The following HCRTR2 variants were observed in gnomAD, a reference collection of about 807,000 sequenced individuals.
HCRTR2 encodes the protein hypocretin receptor 2, also known as orexin receptor type 2.
HCRTR2 carries 22 observed loss-of-function variants against 49.0 expected under a neutral mutation model. The ratio of observed to expected loss-of-function variants is 0.45; its 90% CI spans 0.32 to 0.64. The LOEUF (loss-of-function observed/expected upper bound fraction) is 0.64, where lower values mean the gene tolerates loss of function less well. Ranked by LOEUF, HCRTR2 falls within the 30% of genes least tolerant of loss-of-function variation. HCRTR2 has a pLI of 0.04. For synonymous variants in HCRTR2, 236 were observed against 205.3 expected (o/e 1.15, Z -1.28); for missense variants, 491 against 559.4 (o/e 0.88, Z 1.23).
intron 1 of HCRTR2, among the ~76,000 whole-genome samples, chr6:55,227,530 A>G (rs1392160669): frequency 6.6e-6 from 1 of 152,212 alleles, no homozygotes; most frequent in African/African-American, 2.4e-5. Flanking sequence ...TGAACAGGGA[A>G]TTTTGTACTG....
chr6:55,136,704 T>C (rs1764439267), intron 1 of HCRTR2, among the ~76,000 whole-genome samples: 1 of 152,200 alleles, frequency 6.6e-6, no homozygotes, highest in Non-Finnish European at 1.5e-5. Flanking sequence ...ATCCAATTCC[T>C]GTGCACCTTT....
chr6:55,155,521 G>A (rs1764718932), intron 1 of HCRTR2, among the ~76,000 whole-genome samples: 1 of 151,924 alleles, frequency 6.6e-6, no homozygotes, highest in Non-Finnish European at 1.5e-5. Flanking sequence ...TAATTTTGCT[G>A]TTGTCTTTCA....
intron 4 of HCRTR2, among the ~76,000 whole-genome samples, chr6:55,268,505 G>A (rs373382236): frequency 1.3e-5 from 2 of 151,880 alleles, no homozygotes; most frequent in East Asian, 1.9e-4. Flanking sequence ...TATACAAATA[G>A]GTTAAATGTA....
chr6:55,113,034 C>T lies in HCRTR2; in HGVS notation c.-378+6489C>T, dbSNP rs140161955. Among the ~76,000 whole-genome samples, 398 of 151,934 alleles carry T rather than the reference C, an allele frequency of 2.6e-3. 2 individuals carry two copies. Among genetic ancestry groups the T allele is most frequent in the African/African-American group, 9.2e-3 (381 of 41,502 alleles). On this transcript the variant is annotated intron_variant, in intron 1 of 7. Transcript: ENST00000615358. ...ACAAAAACATAAAATGGGGAATGGT[C>T]ACCCTATTCAAGGAATGGTGCTAGG...
At chr6:55,173,210 G>A (rs1355365106), upstream of HCRTR2, among the ~76,000 whole-genome samples, 1 of 152,210 alleles carries the variant, frequency 6.6e-6, no homozygotes, top group Non-Finnish European at 1.5e-5. Context: ...AGAGGTAAAA[G>A]TCTCAAAAAG....
intron 1 of HCRTR2, among the ~76,000 whole-genome samples, chr6:55,129,223 A>C (rs1764321545): frequency 6.6e-6 from 1 of 152,074 alleles, no homozygotes; most frequent in African/African-American, 2.4e-5. Context: ...ACCTTGTTCT[A>C]AGTTTTCTCA....
intron 1 of HCRTR2, among the ~76,000 whole-genome samples, chr6:55,164,100 C>A (rs752906165): frequency 1.3e-5 from 2 of 152,102 alleles, no homozygotes; most frequent in East Asian, 3.9e-4. Context: ...GTTAGAATGG[C>A]GATCATTAAA....
Position 55,248,648 on chromosome 6 carries a change from C to T in HCRTR2, c.233C>T (p.Ala78Val), listed in dbSNP as rs776153489. 5 of 1,611,800 alleles carry T rather than the reference C, an allele frequency of 3.1e-6. No homozygotes were observed. In the East Asian group the frequency reaches 8.9e-5, roughly 29 times the overall value. The change falls in exon 2 of 7, where the codon GCA (alanine) becomes GTA (valine). Residue 78 changes from alanine to valine, a missense_variant. Transcript: ENST00000370862. ...TTTCTTTTCAAATTAGTTTGTGTGG[C>T]AGTGTGGAAGAACCACCACATGAGG... ...ALIGNVLVCVAVWKNHHMRTV... is the reference protein window; with the variant it reads ...ALIGNVLVCVVVWKNHHMRTV...
At chr6:55,187,627 C>G (rs962263879) in intron 1 of HCRTR2, among the ~76,000 whole-genome samples, 2 of 146,892 alleles carry the variant, frequency 1.4e-5, no homozygotes, top group Non-Finnish European at 3.0e-5. Flanking sequence ...AAGTGTTTGT[C>G]ATACCTATTT....
intron 1 of HCRTR2, among the ~76,000 whole-genome samples, chr6:55,135,853 C>T (rs4490666): frequency 0.62 from 94,425 of 151,946 alleles, 30,510 homozygotes; most frequent in African/African-American, 0.73. Context: ...CTCTAAGGAC[C>T]GCAGTAGCGT....
At chr6:55,130,804 T>C (rs746847725) in intron 1 of HCRTR2, among the ~76,000 whole-genome samples, 1 of 151,848 alleles carries the variant, frequency 6.6e-6, no homozygotes, top group Admixed American at 6.6e-5. Flanking sequence ...CCAACACACA[T>C]ATACACAGAA....
intron 1 of HCRTR2, among the ~76,000 whole-genome samples, chr6:55,146,849 A>G (rs1018387057): frequency 2.0e-5 from 3 of 152,142 alleles, no homozygotes; most frequent in African/African-American, 4.8e-5. Context: ...GGTGATTCCA[A>G]TGCTTTTGGT....
chr6:55,219,527 C>A (rs1335704574), intron 1 of HCRTR2, among the ~76,000 whole-genome samples: 1 of 151,966 alleles, frequency 6.6e-6, no homozygotes, highest in Non-Finnish European at 1.5e-5. Flanking sequence ...AATAAAAAGA[C>A]AACATATCCA....
At chr6:55,204,952 A>G (rs1765575711) in intron 1 of HCRTR2, among the ~76,000 whole-genome samples, 1 of 151,684 alleles carries the variant, frequency 6.6e-6, no homozygotes, top group Admixed American at 6.6e-5. Flanking sequence ...TGCCCAGCTG[A>G]TTTTTTTTAG....
At chr6:55,212,305 C>T (rs1282954790) in intron 1 of HCRTR2, among the ~76,000 whole-genome samples, 2 of 152,154 alleles carry the variant, frequency 1.3e-5, no homozygotes, top group Admixed American at 6.6e-5. Context: ...TAGATAACTA[C>T]ACATTCCATT....
intron 1 of HCRTR2, among the ~76,000 whole-genome samples, chr6:55,191,029 A>G (rs1765306562): frequency 6.6e-6 from 1 of 152,220 alleles, no homozygotes; most frequent in Non-Finnish European, 1.5e-5. Context: ...GTAGATTAAA[A>G]CACCTCCCTT....
At chr6:55,279,403 G>T (rs1479630941) in intron 5 of HCRTR2, among the ~76,000 whole-genome samples, 4 of 150,270 alleles carry the variant, frequency 2.7e-5, no homozygotes, top group African/African-American at 1.0e-4. Context: ...AATTTCTTTT[G>T]TCCGTATTAT....
chr6:55,173,138 C>T (rs1764975742), upstream of HCRTR2, among the ~76,000 whole-genome samples: 1 of 152,194 alleles, frequency 6.6e-6, no homozygotes, highest in South Asian at 2.1e-4. Flanking sequence ...TATTTTGAAT[C>T]TGTGAAGCAT....
intron 1 of HCRTR2, among the ~76,000 whole-genome samples, chr6:55,120,991 GT>G (rs1281522380): frequency 2.0e-5 from 3 of 152,032 alleles, no homozygotes; most frequent in African/African-American, 7.2e-5. Flanking sequence ...CTTTAAAGTA[GT>G]TTTTTCCAGT....
Sources: gnomAD v4.1 joint callset for allele counts (sites outside exome capture counted in the v4.1 genomes callset) on GRCh38, gnomAD v4.1.1 for gene constraint, MANE v1.5 for transcripts, NCBI Gene and HGNC (gene_info 2026-07-23, HGNC 2026-07-21) for gene names.